LYPD6B: variants seen among roughly 807,000 people sequenced by gnomAD.
LYPD6B encodes the protein LY6/PLAUR domain containing 6B.
A neutral mutation model predicts 22.8 loss-of-function variants in LYPD6B; 17 were observed. That is an observed-to-expected ratio of 0.75 (90% confidence interval 0.51 to 1.12). The LOEUF is 1.12. Ranked by LOEUF, LYPD6B falls within the 50% of genes most tolerant of loss-of-function variation. The pLI, the probability that LYPD6B is intolerant of heterozygous loss-of-function variation, is 0.00. For missense variants in LYPD6B, 221 were observed against 258.3 expected (o/e 0.86, Z 0.99); for synonymous variants, 106 against 91.6 (o/e 1.16, Z -0.90).
intron 1 of LYPD6B, among the ~76,000 whole-genome samples, chr2:149,067,117 A>G (rs1558977940): frequency 6.6e-6 from 1 of 152,144 alleles, no homozygotes; most frequent in Non-Finnish European, 1.5e-5. Flanking sequence ...AGCCACATCC[A>G]TGTTCCTGCA....
chr2:149,120,688 T>C lies in LYPD6B; in HGVS notation c.-66-10195T>C, dbSNP rs111330606. ...ATGAGTCACGGCGCCTGGCTGCATA[T>C]ATATTTTTACATAATTAAAATTCTG... On this transcript the variant is annotated intron_variant, in intron 1 of 6. Transcript: ENST00000409642. Among the ~76,000 whole-genome samples, 503 of 151,020 alleles carry C rather than the reference T, an allele frequency of 3.3e-3. 4 individuals are homozygous for C. Among genetic ancestry groups the C allele is most frequent in the African/African-American group, 0.012 (486 of 41,122 alleles).
chr2:149,107,538 G>A (rs534471378), intron 1 of LYPD6B, among the ~76,000 whole-genome samples: 1 of 152,294 alleles, frequency 6.6e-6, no homozygotes, highest in Admixed American at 6.5e-5. Context: ...TGCTGCGTTA[G>A]CAATATCCCA....
At chr2:149,209,965 G>C (rs182516163) in intron 5 of LYPD6B, among the ~76,000 whole-genome samples, 4 of 152,258 alleles carry the variant, frequency 2.6e-5, no homozygotes, top group Admixed American at 2.6e-4. Context: ...GTTTGTTGAT[G>C]CTTCTCTTTA....
chr2:149,125,400 T>G (rs958448242), intron 1 of LYPD6B, among the ~76,000 whole-genome samples: 5 of 152,146 alleles, frequency 3.3e-5, no homozygotes, highest in African/African-American at 4.8e-5. Context: ...AAGCCCCTCT[T>G]CCACCCAGGG....
intron 3 of LYPD6B, among the ~76,000 whole-genome samples, chr2:149,168,918 A>G (rs1461087451): frequency 1.3e-5 from 2 of 152,166 alleles, no homozygotes; most frequent in African/African-American, 4.8e-5. Flanking sequence ...GTATGAGCCT[A>G]TTTAGGTATT....
rs1347859656 is a variant in LYPD6B, at chr2:149,122,467, T to C, written c.-66-8416T>C. Among the ~76,000 whole-genome samples the C allele has an allele frequency of 3.3e-5, 5 of 152,016 alleles. No individual in the cohort carries two copies. In the East Asian group the frequency reaches 5.8e-4, roughly 18 times the overall value. On this transcript the variant is annotated intron_variant, in intron 1 of 6. Coordinates refer to ENST00000409642, the MANE Select transcript of LYPD6B (RefSeq NM_177964.5). ...TAAGTTCTAGGGTACATGTGCACAA[T>C]GTGCAGGTTTGGTACATATGTATAC...
chr2:149,135,865 C>A (rs1451041078), intron 2 of LYPD6B, among the ~76,000 whole-genome samples: 2 of 151,582 alleles, frequency 1.3e-5, no homozygotes, highest in Non-Finnish European at 2.9e-5. Context: ...TACCTTATGT[C>A]ACATTAAGGG....
intron 2 of LYPD6B, among the ~76,000 whole-genome samples, chr2:149,157,822 A>G (rs1689804725): frequency 6.6e-6 from 1 of 152,184 alleles, no homozygotes; most frequent in Non-Finnish European, 1.5e-5. Context: ...CCTAGAAATG[A>G]AAAACTTTTG....
intron 2 of LYPD6B, among the ~76,000 whole-genome samples, chr2:149,159,870 AT>A (rs372053335): frequency 6.6e-6 from 1 of 152,150 alleles, no homozygotes; most frequent in African/African-American, 2.4e-5. Flanking sequence ...ATGAAAGGTA[AT>A]TTGCTTTATT....
intron 1 of LYPD6B, among the ~76,000 whole-genome samples, chr2:149,122,302 T>C (rs537959385): frequency 5.3e-5 from 8 of 152,334 alleles, no homozygotes; most frequent in Middle Eastern, 3.4e-3. Flanking sequence ...TCTGATTTTA[T>C]TCTTTATAAT....
intron 3 of LYPD6B, among the ~76,000 whole-genome samples, chr2:149,175,530 T>A (rs1166835476): frequency 6.6e-6 from 1 of 152,066 alleles, no homozygotes; most frequent in Non-Finnish European, 1.5e-5. Context: ...TTATTAAAAA[T>A]ATTTTTCTTT....
intron 1 of LYPD6B, among the ~76,000 whole-genome samples, chr2:149,090,105 C>T (rs1349952857): frequency 6.6e-6 from 1 of 152,158 alleles, no homozygotes; most frequent in Non-Finnish European, 1.5e-5. Flanking sequence ...TTGTATTTCT[C>T]TCTGTGTGTC....
chr2:149,213,221 T>C, intron 6 of LYPD6B, 99 bp downstream of exon 6: 1 of 1,447,572 alleles, frequency 6.9e-7, no homozygotes, highest in East Asian at 2.3e-5. Context: ...ATGTGGACCA[T>C]GTTTACATTT....
intron 3 of LYPD6B, among the ~76,000 whole-genome samples, chr2:149,198,310 G>A (rs977734806): frequency 6.6e-6 from 1 of 151,976 alleles, no homozygotes; most frequent in African/African-American, 2.4e-5. Flanking sequence ...CCAAAGTGCT[G>A]GGATTACAGG....
chr2:149,197,927 C>T (rs958655349), intron 3 of LYPD6B, among the ~76,000 whole-genome samples: 1 of 152,144 alleles, frequency 6.6e-6, no homozygotes, highest in East Asian at 1.9e-4. Context: ...GTGATCAACG[C>T]ACTTATTAGG....
At chr2:149,096,694 T>C (rs1685916621) in intron 1 of LYPD6B, among the ~76,000 whole-genome samples, 1 of 152,180 alleles carries the variant, frequency 6.6e-6, no homozygotes, top group South Asian at 2.1e-4. Context: ...GGTTGATTTT[T>C]TTTCTCTTCT....
chr2:149,046,884 C>T (rs1683331496), intron 1 of LYPD6B, among the ~76,000 whole-genome samples: 1 of 152,080 alleles, frequency 6.6e-6, no homozygotes. Context: ...CAAACTTTTT[C>T]TGTAAAAAAG....
intron 1 of LYPD6B, among the ~76,000 whole-genome samples, chr2:149,099,370 G>A (rs1207697680): frequency 1.3e-5 from 2 of 151,888 alleles, no homozygotes; most frequent in African/African-American, 4.8e-5. Flanking sequence ...GTCTCAGCTG[G>A]GCAGTAGTTA....
chr2:149,098,769 T>TC (rs1558996140), intron 1 of LYPD6B, among the ~76,000 whole-genome samples: 1 of 150,490 alleles, frequency 6.6e-6, no homozygotes, highest in Non-Finnish European at 1.5e-5. Context: ...CTTTTTCTTT[T>TC]TTTTTTTTTT....
Sources: allele counts gnomAD v4.1 joint callset (sites outside exome capture counted in the v4.1 genomes callset), GRCh38; gene constraint gnomAD v4.1.1; transcripts MANE v1.5; gene names NCBI Gene and HGNC (gene_info 2026-07-23, HGNC 2026-07-21).